CTNNA1: variants seen among roughly 807,000 people sequenced by gnomAD.
The protein encoded by CTNNA1 is catenin alpha 1.
Under a neutral mutation model 98.4 loss-of-function variants are expected in CTNNA1, and 37 were observed. The ratio of observed to expected loss-of-function variants is 0.38; its 90% confidence interval spans 0.29 to 0.49. The LOEUF (loss-of-function observed/expected upper bound fraction) is 0.49, where lower values mean the gene tolerates loss of function less well. Among genes scored for constraint, CTNNA1 ranks in the 20% least tolerant of loss-of-function variants. The probability of loss-of-function intolerance (pLI) is 0.95; values close to 1 mark genes in which losing one functional copy is unlikely to be tolerated. For synonymous variants in CTNNA1, 404 were observed against 413.2 expected, an observed-to-expected ratio of 0.98 and a Z score of 0.27; for missense variants, 761 against 1,147.2, an observed-to-expected ratio of 0.66 and a Z score of 4.86.
intron 7 of CTNNA1, among the ~76,000 whole-genome samples, chr5:138,850,527 A>G (rs1184920295): frequency 2.6e-5 from 4 of 152,338 alleles, no homozygotes; most frequent in South Asian, 2.1e-4. Context: ...TGTATTATCT[A>G]TGTAGCCATT....
chr5:138,773,457 G>A (rs1325486413), intron 1 of CTNNA1, among the ~76,000 whole-genome samples: 1 of 152,244 alleles, frequency 6.6e-6, no homozygotes, highest in Non-Finnish European at 1.5e-5. Context: ...GAGAAGGCCA[G>A]TGTGACTAGA....
At chr5:138,870,216 T>C (rs1416830658) in intron 7 of CTNNA1, 2 of 152,266 alleles carry the variant, frequency 1.3e-5, no homozygotes, top group Admixed American at 6.5e-5. Flanking sequence ...TGTTCCGTTC[T>C]AGCCAGTTGG....
At position 138,873,156 on chromosome 5, in the gene CTNNA1, A is replaced by G; in HGVS notation, c.1063-13056A>G. On this transcript the variant is annotated intron_variant, in intron 7 of 17. Coordinates refer to ENST00000302763, the MANE Select transcript of CTNNA1 (RefSeq NM_001903.5). This position sits in a 1 kb window ranked among gnomAD's most constrained non-coding sequence, Gnocchi z 6.1. ...TTTGACATATGGAGTCGTGTTTGGG[A>G]TCGGAGCTGCCTGTGGTTCTGAACC... The G allele has an allele frequency of 6.2e-7, 1 of 1,613,452 alleles. No homozygotes were observed. Among genetic ancestry groups the G allele is most frequent in the Non-Finnish European group, 8.5e-7 (1 of 1,179,686 alleles).
chr5:138,838,410 G>A (rs1340761208), intron 7 of CTNNA1, among the ~76,000 whole-genome samples: 1 of 152,158 alleles, frequency 6.6e-6, no homozygotes, highest in African/African-American at 2.4e-5. Flanking sequence ...ATCTGTAGCA[G>A]TATTCTCTGT....
Position 138,753,452 on chromosome 5 carries a change from A to C in CTNNA1, c.-61A>C, listed in dbSNP as rs1420345208. ...CCTCCTAGCCGGACTGGAGGGAGAC[A>C]AAGCAGCGCCCGTCTGCTTCGGGCC... On this transcript the variant is annotated 5_prime_UTR_variant, in exon 1 of 18. Coordinates refer to ENST00000302763, the MANE Select transcript of CTNNA1 (RefSeq NM_001903.5). 4 of 374,100 alleles carry C rather than the reference A, an allele frequency of 1.1e-5. No individual in the cohort carries two copies. Among genetic ancestry groups the C allele is most frequent in the Admixed American group, 4.6e-5 (1 of 21,750 alleles). 23.2% of individuals were successfully genotyped at this position (374,100 alleles called of 1,614,324 possible). A position where few individuals can be genotyped will look rare whatever the true frequency, so the allele number is the denominator to read the frequency against.
intron 17 of CTNNA1, 168 bp downstream of exon 17, chr5:138,932,880 C>T (rs1765679666): frequency 1.1e-6 from 1 of 892,006 alleles, no homozygotes; most frequent in Non-Finnish European, 1.9e-6. Flanking sequence ...ATCATCTGTT[C>T]CCTGTAGAAC....
At chr5:138,886,855 G>A (rs1754158027) in intron 8 of CTNNA1, among the ~76,000 whole-genome samples, 1 of 152,110 alleles carries the variant, frequency 6.6e-6, no homozygotes, top group Admixed American at 6.5e-5. Flanking sequence ...AAAGAAGTTA[G>A]AGTTGATTTT....
rs1751560613 is a variant in CTNNA1 at position 138,755,747 on chromosome 5, C to G, written c.-3+2237C>G. ...TTTTGGGTGTCCCAGGCTTCTCAAA[C>G]TCAAGGTGTCCAAAGTGGGACTCCT... On this transcript the variant is annotated intron_variant, in intron 1 of 17. Coordinates refer to ENST00000302763, the MANE Select transcript of CTNNA1 (RefSeq NM_001903.5). Among the ~76,000 whole-genome samples, 4 of 151,224 alleles carry G rather than the reference C, an allele frequency of 2.6e-5. 1 individual carries two copies. In the South Asian group the frequency reaches 8.4e-4, roughly 32 times the overall value.
Position 138,783,258 on chromosome 5 carries a change from G to T in CTNNA1, c.187G>T (p.Ala63Ser). The stretch of plus-strand genomic sequence containing the variant: ...TTCTAAGAAGGCCCATGTTTTGGCT[G>T]CATCTGTTGAACAAGCAACTGAGAA... ...GRSKKAHVLA[A>S]SVEQATENFL... Residue 63 changes from alanine to serine, a missense_variant, in exon 3 of 18, where the codon GCA (alanine) becomes TCA (serine). Coordinates refer to ENST00000302763, the MANE Select transcript of CTNNA1 (RefSeq NM_001903.5). 4 of 1,614,130 alleles carry T rather than the reference G, an allele frequency of 2.5e-6. No individual in the cohort carries two copies. The highest frequency in any genetic ancestry group is 3.4e-6 in the Non-Finnish European group (4 of 1,179,996).
At chr5:138,932,402 TC>T (rs1765561683) in intron 16 of CTNNA1, 175 bp from the exon 17 acceptor site, 1 of 1,422,850 alleles carries the variant, frequency 7.0e-7, no homozygotes, top group Non-Finnish European at 9.2e-7. Flanking sequence ...CCCGCCTCCA[TC>T]CCCAAGCAGA....
intron 7 of CTNNA1, among the ~76,000 whole-genome samples, chr5:138,842,156 C>T (rs371722275): frequency 2.6e-5 from 4 of 151,992 alleles, no homozygotes; most frequent in Admixed American, 6.6e-5. Flanking sequence ...AAGAATTAGC[C>T]GAGCATGGTG....
intron 13 of CTNNA1, 31 bp downstream of exon 13, chr5:138,925,438 G>C (rs773002005): frequency 6.2e-7 from 1 of 1,603,270 alleles, no homozygotes; most frequent in Admixed American, 1.7e-5. Context: ...CGTCTTAACA[G>C]CTTCTTTCTT....
chr5:138,761,244 A>T (rs1752329510), intron 1 of CTNNA1, among the ~76,000 whole-genome samples: 1 of 151,880 alleles, frequency 6.6e-6, no homozygotes, highest in Non-Finnish European at 1.5e-5. Flanking sequence ...ACTGTTATTT[A>T]TTTTTTTTGA....
At chr5:138,762,276 T>G (rs1752453362) in intron 1 of CTNNA1, among the ~76,000 whole-genome samples, 1 of 152,146 alleles carries the variant, frequency 6.6e-6, no homozygotes, top group Admixed American at 6.5e-5. Flanking sequence ...GTCCCCCACA[T>G]GTTGTGGGCC....
chr5:138,761,434 A>G (rs1169956769), intron 1 of CTNNA1, among the ~76,000 whole-genome samples: 1 of 152,014 alleles, frequency 6.6e-6, no homozygotes, highest in East Asian at 1.9e-4. Flanking sequence ...ACGGGGTTTC[A>G]CCATTTTGGC....
chr5:138,874,827 C>G lies in CTNNA1; in HGVS notation c.1063-11385C>G, dbSNP rs1201500505. The G allele has an allele frequency of 2.2e-6, 3 of 1,350,514 alleles. No homozygotes were observed. Among genetic ancestry groups the G allele is most frequent in the Middle Eastern group, 1.8e-4 (1 of 5,500 alleles). 83.7% of individuals were successfully genotyped at this position (1,350,514 alleles called of 1,614,324 possible). A position where few individuals can be genotyped will look rare whatever the true frequency, so the allele number is the denominator to read the frequency against. The stretch of plus-strand genomic sequence containing the variant: ...TCCAAAATATGATGGTGATTTCCCT[C>G]ATAAAATGTGAATTCGGTAGCTTAT... On this transcript the variant is annotated intron_variant, in intron 7 of 17. Coordinates refer to ENST00000302763, the MANE Select transcript of CTNNA1 (RefSeq NM_001903.5). The surrounding 1 kb of genome is among the most constrained non-coding windows in gnomAD (Gnocchi z 4.1).
chr5:138,879,743 A>C (rs1297057907), intron 7 of CTNNA1, among the ~76,000 whole-genome samples: 1 of 152,190 alleles, frequency 6.6e-6, no homozygotes, highest in African/African-American at 2.4e-5. Flanking sequence ...ACAGGTGTCA[A>C]CCACCATGCC....
At chr5:138,912,086 T>C (rs779121930) in intron 10 of CTNNA1, among the ~76,000 whole-genome samples, 1 of 152,164 alleles carries the variant, frequency 6.6e-6, no homozygotes, top group Non-Finnish European at 1.5e-5. Context: ...GATGTGTAAA[T>C]GTGAGACATC....
At chr5:138,919,510 A>C (rs1249896871) in intron 11 of CTNNA1, among the ~76,000 whole-genome samples, 1 of 152,208 alleles carries the variant, frequency 6.6e-6, no homozygotes. Flanking sequence ...GATTCTAGGC[A>C]ATATCTTTAG....
Sources: gnomAD v4.1 joint callset for allele counts (sites outside exome capture counted in the v4.1 genomes callset) on GRCh38, gnomAD v4.1.1 for gene constraint, Gnocchi (gnomAD v3.1) non-coding constraint, MANE v1.5 for transcripts, NCBI Gene and HGNC (gene_info 2026-07-23, HGNC 2026-07-21) for gene names.